RRP15: variants seen among roughly 807,000 people sequenced by gnomAD.
RRP15 encodes ribosomal RNA processing 15 homolog.
In RRP15, 18 loss-of-function variants were observed where a neutral mutation model predicts 27.1. That is an observed-to-expected ratio of 0.66 (90% CI 0.46 to 0.98). The LOEUF is 0.98. Among genes scored for constraint, RRP15 ranks in the 50% least tolerant of loss-of-function variants. RRP15 has a pLI of 0.00. For synonymous variants in RRP15, 107 were observed against 109.4 expected, an observed-to-expected ratio of 0.98 and a Z score of 0.14; for missense variants, 359 against 337.8, an observed-to-expected ratio of 1.06 and a Z score of -0.49.
At chr1:218,298,303 G>T (rs1655753812) in intron 1 of RRP15, among the ~76,000 whole-genome samples, 1 of 152,168 alleles carries the variant, frequency 6.6e-6, no homozygotes, top group African/African-American at 2.4e-5. Context: ...AGCCATCCCA[G>T]ATATCTCTGG....
chr1:218,304,757 G>A (rs1189896079), intron 2 of RRP15, among the ~76,000 whole-genome samples: 1 of 152,156 alleles, frequency 6.6e-6, no homozygotes, highest in African/African-American at 2.4e-5. Flanking sequence ...ACCCTATCTT[G>A]TACTGCCTGG....
chr1:218,306,630 A>G (rs1017184062), intron 3 of RRP15, among the ~76,000 whole-genome samples: 2 of 152,218 alleles, frequency 1.3e-5, no homozygotes, highest in Admixed American at 1.3e-4. Flanking sequence ...GCCGGAAGGG[A>G]TCTTAACAGT....
chr1:218,298,854 T>C (rs1321918887), intron 1 of RRP15, among the ~76,000 whole-genome samples: 3 of 152,220 alleles, frequency 2.0e-5, no homozygotes, highest in Non-Finnish European at 4.4e-5. Context: ...ATTGGAACTT[T>C]TAGTCATTAC....
intron 4 of RRP15, among the ~76,000 whole-genome samples, chr1:218,329,937 A>AT (rs1427295959): frequency 1.3e-5 from 2 of 151,990 alleles, no homozygotes; most frequent in Non-Finnish European, 2.9e-5. Flanking sequence ...TCTTTAATAT[A>AT]TATTATATTT....
intron 1 of RRP15, chr1:218,301,981 G>A (rs1655817312): frequency 1.0e-5 from 3 of 287,286 alleles, no homozygotes; most frequent in African/African-American, 4.3e-5. Context: ...CCAACTCCAT[G>A]CCAACATCTG....
chr1:218,296,016 A>G (rs1188176313), intron 1 of RRP15, among the ~76,000 whole-genome samples: 1 of 152,206 alleles, frequency 6.6e-6, no homozygotes, highest in Non-Finnish European at 1.5e-5. Context: ...TTACAGCTGA[A>G]TGGGGAGCAG....
Position 218,302,292 on chromosome 1 carries a change from A to C in RRP15, c.140-2A>C, listed in dbSNP as rs1342066209. On this transcript the variant is annotated splice_acceptor_variant, in intron 1 of 4. Transcript: ENST00000366932. LOFTEE classifies it high-confidence loss of function. ...ATTTGCCTTTACTCTTTGGTTCTAT[A>C]GGAAGCTGTGGATCGGAAAAGGACC... is the stretch of plus-strand genomic sequence containing the variant. 1 of 1,610,362 alleles carries C rather than the reference A, an allele frequency of 6.2e-7. No individual in the cohort carries two copies. The highest frequency in any genetic ancestry group is 1.7e-5 in the Admixed American group (1 of 59,798).
intron 4 of RRP15, among the ~76,000 whole-genome samples, chr1:218,314,028 T>C (rs1232644499): frequency 2.0e-5 from 3 of 151,880 alleles, no homozygotes; most frequent in Admixed American, 6.6e-5. Context: ...TGTTATTTTA[T>C]TATTTTTAAA....
intron 4 of RRP15, among the ~76,000 whole-genome samples, chr1:218,308,778 A>G (rs943871902): frequency 3.9e-5 from 6 of 152,208 alleles, no homozygotes; most frequent in African/African-American, 9.7e-5. Flanking sequence ...TAAAGTGTCT[A>G]TCAGAAGTAC....
At chr1:218,330,116 C>T (rs1173507828) in intron 4 of RRP15, among the ~76,000 whole-genome samples, 1 of 152,048 alleles carries the variant, frequency 6.6e-6, no homozygotes, top group Non-Finnish European at 1.5e-5. Flanking sequence ...TCGTTTTGTT[C>T]ATCACTATGT....
rs980041189 is a variant in RRP15, at chr1:218,302,098, C to T, written c.140-196C>T. On this transcript the variant is annotated intron_variant, in intron 1 of 4. Coordinates refer to ENST00000366932, the MANE Select transcript of RRP15 (RefSeq NM_016052.4). ...GACATCCCCTGTATATGTGGCTGGG[C>T]GAGGTCTCTGGGAGCTGATGGCAAT... is the stretch of plus-strand genomic sequence containing the variant. 52 of 517,036 alleles carry T rather than the reference C, an allele frequency of 1.0e-4. 2 individuals carry two copies. Among genetic ancestry groups the T allele is most frequent in the East Asian group, 9.0e-4 (30 of 33,342 alleles). 32.0% of individuals were successfully genotyped at this position (517,036 alleles called of 1,614,324 possible).
intron 1 of RRP15, among the ~76,000 whole-genome samples, chr1:218,291,984 C>G (rs569443088): frequency 6.6e-6 from 1 of 152,216 alleles, no homozygotes; most frequent in Admixed American, 6.5e-5. Flanking sequence ...ACCACAAGTG[C>G]GTGCCATCAT....
intron 4 of RRP15, among the ~76,000 whole-genome samples, chr1:218,313,965 C>T (rs746111327): frequency 3.4e-5 from 5 of 148,948 alleles, no homozygotes; most frequent in African/African-American, 7.5e-5. Context: ...ATGTTGACCC[C>T]GAGTGATTTT....
intron 1 of RRP15, among the ~76,000 whole-genome samples, chr1:218,294,346 G>A (rs1655689179): frequency 6.6e-6 from 1 of 152,136 alleles, no homozygotes; most frequent in Non-Finnish European, 1.5e-5. Context: ...TCATAAGACT[G>A]CCCAAACCCT....
rs1164536183 is a variant in RRP15, at chr1:218,331,055, C to T, written c.813C>T (p.Asp271=). ...DWDKESDGPD[D]SRPESASDSD... is the part of the protein sequence containing the mutation. The stretch of plus-strand genomic sequence containing the variant: ...ACAAGGAAAGTGATGGGCCAGATGA[C>T]AGCAGACCAGAATCTGCAAGTGACT... The change falls in exon 5 of 5, where the codon GAC becomes GAT. Residue 271 remains aspartate, a synonymous_variant. Transcript: ENST00000366932. 2 of 1,612,818 alleles carry T rather than the reference C, an allele frequency of 1.2e-6. No homozygotes were observed. Among genetic ancestry groups the T allele is most frequent in the East Asian group, 4.5e-5 (2 of 44,840 alleles).
At chr1:218,316,058 C>A (rs913570058) in intron 4 of RRP15, among the ~76,000 whole-genome samples, 1 of 152,202 alleles carries the variant, frequency 6.6e-6, no homozygotes. Context: ...GTATTTATGT[C>A]TTTTAAAATA....
chr1:218,307,545 CAAGA>C lies in RRP15; in HGVS notation c.623_626del (p.Lys208IlefsTer6). On this transcript the variant is annotated frameshift_variant, in exon 4 of 5. Coordinates refer to ENST00000366932, the MANE Select transcript of RRP15 (RefSeq NM_016052.4). LOFTEE classifies it high-confidence loss of function. ...GTGCTAAGTTGATATCAACTGTTTC[CAAGA>C]AAGATTTCATCAGTGTTTTGAGAGG... is the stretch of plus-strand genomic sequence containing the variant. 6.2e-7 allele frequency: 1 copy of C among 1,613,790 alleles called. No homozygotes were observed. Among genetic ancestry groups the C allele is most frequent in the Non-Finnish European group, 8.5e-7 (1 of 1,179,838 alleles).
At chr1:218,290,047 C>T (rs1655609786) in intron 1 of RRP15, among the ~76,000 whole-genome samples, 1 of 152,134 alleles carries the variant, frequency 6.6e-6, no homozygotes, top group Non-Finnish European at 1.5e-5. Flanking sequence ...GTCATTGCAG[C>T]CTTACTCCCT....
intron 4 of RRP15, among the ~76,000 whole-genome samples, chr1:218,309,795 A>G (rs751065040): frequency 1.8e-4 from 27 of 152,238 alleles, no homozygotes; most frequent in East Asian, 3.9e-4. Flanking sequence ...AATGACTTCA[A>G]GTAAATAAGT....
Sources: allele counts gnomAD v4.1 joint callset (sites outside exome capture counted in the v4.1 genomes callset), GRCh38; gene constraint gnomAD v4.1.1; transcripts MANE v1.5; gene names NCBI Gene and HGNC (gene_info 2026-07-23, HGNC 2026-07-21).